The following REEP1 variants were observed in gnomAD, a reference collection of about 807,000 sequenced individuals.
REEP1 encodes receptor expression-enhancing protein 1.
Under a neutral mutation model 40.3 loss-of-function variants are expected in REEP1, and 22 were observed. That is an observed-to-expected ratio of 0.55 (90% CI 0.39 to 0.78). REEP1 has a LOEUF of 0.78. REEP1 is among the 30% of genes least tolerant of loss of function. The probability of loss-of-function intolerance (pLI) is 0.00; values close to 1 mark genes in which losing one functional copy is unlikely to be tolerated. For missense variants in REEP1, 280 were observed against 361.1 expected (o/e 0.78, Z 1.82); for synonymous variants, 116 against 139.2 (o/e 0.83, Z 1.17).
intron 2 of REEP1, among the ~76,000 whole-genome samples, chr2:86,266,901 G>A (rs998046851): frequency 1.3e-5 from 2 of 151,868 alleles, no homozygotes; most frequent in African/African-American, 4.8e-5. Flanking sequence ...CAGCTACTCA[G>A]GAGGCTGAGG....
chr2:86,337,784 C>T, upstream of REEP1: 1 of 797,632 alleles, frequency 1.3e-6, no homozygotes, highest in Non-Finnish European at 1.7e-6. The surrounding 1 kb of genome is among the most constrained non-coding windows in gnomAD (Gnocchi z 5.8). Context: ...CCGTCCCGCT[C>T]GCCCTGGCCC....
chr2:86,320,682 T>C lies in REEP1; in HGVS notation c.32+16797A>G, dbSNP rs1322913392. Among the ~76,000 whole-genome samples the C allele has an allele frequency of 2.6e-5, 4 of 152,168 alleles. 1 individual carries two copies. The highest frequency in any genetic ancestry group is 7.2e-5 in the African/African-American group (3 of 41,438). On this transcript the variant is annotated intron_variant, in intron 1 of 8. Coordinates refer to ENST00000538924, the MANE Select transcript of REEP1 (RefSeq NM_001371279.1). ...TGGCCAGTTTTGAAACAGAACTAAA[T>C]AGAATTTCTAGAATCTAATAATTAA...
Position 86,282,330 on chromosome 2 carries a change from T to C in REEP1, c.33-88A>G, listed in dbSNP as rs72940138. The C allele has an allele frequency of 1.6e-4, 165 of 1,002,598 alleles. No homozygotes were observed. In the African/African-American group the frequency reaches 2.2e-3, roughly 13 times the overall value. The allele number at this position is 1,002,598 out of a possible 1,614,324, so 62.1% of individuals were successfully genotyped here. On this transcript the variant is annotated intron_variant, in intron 1 of 8. Transcript: ENST00000538924. ...CTGTCTTCAATGCCAAGAGCAACTCTCTAAGCTACAGAAAGTGCTGCTGTG... is the reference window on the plus strand; with the variant it reads ...CTGTCTTCAATGCCAAGAGCAACTCCCTAAGCTACAGAAAGTGCTGCTGTG...
At chr2:86,262,226 C>T (rs557374277) in intron 3 of REEP1, among the ~76,000 whole-genome samples, 145 of 152,276 alleles carry the variant, frequency 9.5e-4, no homozygotes, top group Non-Finnish European at 1.6e-3. Flanking sequence ...TTCCACCTAA[C>T]GAGAAACACC....
chr2:86,299,598 T>G (rs772876786), intron 1 of REEP1, among the ~76,000 whole-genome samples: 1 of 152,222 alleles, frequency 6.6e-6, no homozygotes, highest in Non-Finnish European at 1.5e-5. Flanking sequence ...ATTATGTGGT[T>G]ATATCATACC....
chr2:86,255,055 G>C, intron 3 of REEP1: 2 of 453,912 alleles, frequency 4.4e-6, no homozygotes, highest in South Asian at 2.7e-5. Context: ...AGCAAACCAG[G>C]AACACAGGTT....
chr2:86,301,048 T>C (rs747993223), intron 1 of REEP1, among the ~76,000 whole-genome samples: 8 of 152,210 alleles, frequency 5.3e-5, no homozygotes, highest in Non-Finnish European at 8.8e-5. Context: ...CAGATGTGAA[T>C]GAGGTGACCA....
At chr2:86,291,548 G>A (rs1678693414) in intron 1 of REEP1, among the ~76,000 whole-genome samples, 6 of 151,782 alleles carry the variant, frequency 4.0e-5, no homozygotes, top group Admixed American at 3.9e-4. Flanking sequence ...ACTCTTCCTT[G>A]GGTAACCCAC....
chr2:86,234,712 AAGAC>A (rs1675214179), intron 5 of REEP1, among the ~76,000 whole-genome samples: 1 of 152,206 alleles, frequency 6.6e-6, no homozygotes, highest in Non-Finnish European at 1.5e-5. Context: ...TATATGAAAA[AAGAC>A]AGAAATCACC....
At chr2:86,231,121 C>A (rs568581331) in intron 6 of REEP1, among the ~76,000 whole-genome samples, 2 of 152,348 alleles carry the variant, frequency 1.3e-5, no homozygotes, top group East Asian at 3.9e-4. Context: ...GCATGGGTGA[C>A]CCTGCACAGT....
intron 7 of REEP1, among the ~76,000 whole-genome samples, chr2:86,225,562 C>A (rs1056498023): frequency 6.6e-6 from 1 of 151,986 alleles, no homozygotes; most frequent in African/African-American, 2.4e-5. Context: ...TGAGCCACTG[C>A]GCCTGTCCTA....
At chr2:86,247,295 T>C (rs1202546182) in intron 5 of REEP1, among the ~76,000 whole-genome samples, 4 of 152,140 alleles carry the variant, frequency 2.6e-5, no homozygotes, top group Non-Finnish European at 5.9e-5. Context: ...GGGGTTAGCC[T>C]TGTAGGAAAT....
intron 1 of REEP1, among the ~76,000 whole-genome samples, chr2:86,303,511 G>A (rs1049250566): frequency 1.7e-4 from 25 of 147,258 alleles, no homozygotes; most frequent in African/African-American, 6.2e-4. Flanking sequence ...GAGCCACCAC[G>A]CCTGGCTGCC....
chr2:86,293,582 TG>T (rs1678834573), intron 1 of REEP1, among the ~76,000 whole-genome samples: 1 of 152,240 alleles, frequency 6.6e-6, no homozygotes, highest in African/African-American at 2.4e-5. Flanking sequence ...TTTCACTGTG[TG>T]CAAATTATTA....
chr2:86,230,529 CT>C lies in REEP1; in HGVS notation c.595+2095del, dbSNP rs568469661. 2.7e-4 allele frequency among the ~76,000 whole-genome samples: 41 copies of C among 152,390 alleles called. 1 individual carries two copies. The highest frequency in any genetic ancestry group is 9.9e-4 in the African/African-American group (41 of 41,594). ...CCCTCCCTCGAACCTGACCATCCAGCTTTGGCTTGTGTCCTTCCAATGTCAG... is the reference window on the plus strand; with the variant it reads ...CCCTCCCTCGAACCTGACCATCCAGCTTGGCTTGTGTCCTTCCAATGTCAG... On this transcript the variant is annotated intron_variant, in intron 6 of 8. Transcript: ENST00000538924.
At chr2:86,331,237 A>C (rs770436501) in intron 1 of REEP1, among the ~76,000 whole-genome samples, 2 of 152,214 alleles carry the variant, frequency 1.3e-5, no homozygotes, top group Non-Finnish European at 2.9e-5. Context: ...CTCAGCTCCA[A>C]ATCAAGAAAC....
intron 1 of REEP1, among the ~76,000 whole-genome samples, chr2:86,315,876 G>A (rs1679979282): frequency 1.3e-5 from 2 of 152,218 alleles, no homozygotes; most frequent in South Asian, 2.1e-4. Context: ...TGACAAGTAT[G>A]TGACCAAAAT....
At chr2:86,299,725 T>C (rs1679173088) in intron 1 of REEP1, among the ~76,000 whole-genome samples, 1 of 152,242 alleles carries the variant, frequency 6.6e-6, no homozygotes, top group Admixed American at 6.5e-5. Flanking sequence ...TGGCTACTAA[T>C]AAAGTAGTTA....
At position 86,216,834 on chromosome 2, in the gene REEP1, T is replaced by A; in HGVS notation, c.*205A>T. On this transcript the variant is annotated 3_prime_UTR_variant, in exon 9 of 9. Transcript: ENST00000538924. ...GTCACCACCCCCGCCCCTACTACCTTTCCCTTTAGCCTCTCCCCAGCAAAA... is the reference window on the plus strand; with the variant it reads ...GTCACCACCCCCGCCCCTACTACCTATCCCTTTAGCCTCTCCCCAGCAAAA... 1.8e-6 allele frequency: 1 copy of A among 554,472 alleles called. No homozygotes were observed. Among genetic ancestry groups the A allele is most frequent in the Non-Finnish European group, 3.2e-6 (1 of 309,100 alleles). The allele number at this position is 554,472 out of a possible 1,614,324, so 34.3% of individuals were successfully genotyped here.
Sources: allele counts gnomAD v4.1 joint callset (sites outside exome capture counted in the v4.1 genomes callset), GRCh38; gene constraint gnomAD v4.1.1; non-coding constraint Gnocchi (gnomAD v3.1); transcripts MANE v1.5; gene names NCBI Gene and HGNC (gene_info 2026-07-23, HGNC 2026-07-21).